Variants in TRPM3 observed in about 807,000 individuals in gnomAD.
TRPM3 encodes the protein transient receptor potential cation channel subfamily M member 3, also known as long transient receptor potential channel 3.
A neutral mutation model predicts 181.2 loss-of-function variants in TRPM3; 77 were observed. The ratio of observed to expected loss-of-function variants is 0.42; its 90% CI spans 0.35 to 0.51. The LOEUF (loss-of-function observed/expected upper bound fraction) is 0.51, where lower values mean the gene tolerates loss of function less well. Among genes scored for constraint, TRPM3 ranks in the 20% least tolerant of loss-of-function variants. TRPM3 has a pLI of 0.01. For synonymous variants in TRPM3, 745 were observed against 796.4 expected (o/e 0.94, Z 1.09); for missense variants, 1,759 against 2,196.7 (o/e 0.80, Z 3.98).
chr9:70,616,798 C>T (rs1004327786), intron 17 of TRPM3, among the ~76,000 whole-genome samples: 3 of 152,176 alleles, frequency 2.0e-5, no homozygotes, highest in African/African-American at 7.2e-5. Context: ...CATGTATAAA[C>T]ATCACGCATA....
intron 1 of TRPM3, among the ~76,000 whole-genome samples, chr9:71,135,905 T>C (rs1159078236): frequency 6.6e-6 from 1 of 152,226 alleles, no homozygotes; most frequent in East Asian, 1.9e-4. Context: ...AGAAGTTATG[T>C]ATATTTCTCT....
intron 1 of TRPM3, among the ~76,000 whole-genome samples, chr9:71,181,658 C>A (rs531468958): frequency 1.3e-5 from 2 of 151,946 alleles, no homozygotes; most frequent in Non-Finnish European, 2.9e-5. Flanking sequence ...TGAAGTTTTT[C>A]TCTTTGAAAC....
At chr9:70,786,616 T>G (rs1746505978) in intron 6 of TRPM3, among the ~76,000 whole-genome samples, 1 of 152,266 alleles carries the variant, frequency 6.6e-6, no homozygotes, top group African/African-American at 2.4e-5. Flanking sequence ...ATAACATGCC[T>G]TCAAAAAGGT....
At chr9:70,881,381 C>T (rs1278092513) in intron 1 of TRPM3, among the ~76,000 whole-genome samples, 1 of 152,118 alleles carries the variant, frequency 6.6e-6, no homozygotes, top group African/African-American at 2.4e-5. Flanking sequence ...CGCCCTACCA[C>T]CACCCCCATA....
intron 1 of TRPM3, among the ~76,000 whole-genome samples, chr9:71,383,107 T>C (rs545820601): frequency 9.4e-4 from 143 of 152,316 alleles, no homozygotes; most frequent in Non-Finnish European, 1.9e-3. Context: ...CAATTTTGCT[T>C]TTTTAAATAG....
intron 1 of TRPM3, among the ~76,000 whole-genome samples, chr9:70,960,120 GTTC>G (rs2097122642): frequency 6.7e-6 from 1 of 149,242 alleles, no homozygotes; most frequent in Non-Finnish European, 1.5e-5. Context: ...TTCAACTCTC[GTTC>G]TTTTTTTTTT....
chr9:71,123,825 G>A (rs763808558), upstream of TRPM3, among the ~76,000 whole-genome samples: 1 of 152,126 alleles, frequency 6.6e-6, no homozygotes, highest in African/African-American at 2.4e-5. Flanking sequence ...TTCTGTTGAG[G>A]TGGTGAGATC....
At chr9:70,955,004 G>A (rs1368513476) in intron 1 of TRPM3, among the ~76,000 whole-genome samples, 1 of 152,120 alleles carries the variant, frequency 6.6e-6, no homozygotes, top group African/African-American at 2.4e-5. Context: ...ACTTACTTAG[G>A]TGTTGCAGGC....
chr9:70,864,101 C>T (rs572095508), intron 2 of TRPM3, among the ~76,000 whole-genome samples: 11 of 152,034 alleles, frequency 7.2e-5, no homozygotes, highest in South Asian at 4.1e-4. Context: ...TATTGCAGAA[C>T]GTGTTGGTAC....
upstream of TRPM3, among the ~76,000 whole-genome samples, chr9:71,125,503 C>T (rs1025473453): frequency 6.6e-5 from 10 of 152,142 alleles, no homozygotes; most frequent in Admixed American, 2.0e-4. Context: ...CAGCTCCATC[C>T]ATGTCACTGC....
chr9:71,374,915 C>T (rs1045519295), intron 1 of TRPM3, among the ~76,000 whole-genome samples: 1 of 151,926 alleles, frequency 6.6e-6, no homozygotes, highest in African/African-American at 2.4e-5. Flanking sequence ...TTCAAGAACT[C>T]CAAACCACTA....
intron 6 of TRPM3, among the ~76,000 whole-genome samples, chr9:70,789,726 T>G (rs2084884501): frequency 6.6e-6 from 1 of 152,250 alleles, no homozygotes; most frequent in Non-Finnish European, 1.5e-5. Flanking sequence ...CATACGAAAA[T>G]GTGAGCTTGA....
chr9:71,332,237 G>A (rs995369033), intron 1 of TRPM3, among the ~76,000 whole-genome samples: 4 of 151,612 alleles, frequency 2.6e-5, no homozygotes, highest in Non-Finnish European at 5.9e-5. Context: ...ATTATTTGTA[G>A]CTATTACAGA....
chr9:71,408,610 G>A (rs2093482374), intron 1 of TRPM3, among the ~76,000 whole-genome samples: 1 of 152,200 alleles, frequency 6.6e-6, no homozygotes, highest in African/African-American at 2.4e-5. Flanking sequence ...TATGTGAAAA[G>A]ACCAAATCTA....
intron 1 of TRPM3, among the ~76,000 whole-genome samples, chr9:71,439,409 A>G (rs964980038): frequency 6.6e-6 from 1 of 152,240 alleles, no homozygotes; most frequent in Admixed American, 6.5e-5. Context: ...TATACACATC[A>G]ATACACTTAA....
At chr9:70,539,436 C>T (rs536767347) in intron 25 of TRPM3, among the ~76,000 whole-genome samples, 1 of 151,842 alleles carries the variant, frequency 6.6e-6, no homozygotes, top group South Asian at 2.1e-4. Flanking sequence ...TTCACCCAGC[C>T]AAAGGTCCCA....
intron 1 of TRPM3, among the ~76,000 whole-genome samples, chr9:71,344,142 C>A (rs1441562585): frequency 6.6e-6 from 1 of 151,930 alleles, no homozygotes; most frequent in Non-Finnish European, 1.5e-5. Flanking sequence ...TCATTTTAAA[C>A]CACCACAGAA....
intron 9 of TRPM3, among the ~76,000 whole-genome samples, chr9:70,650,262 A>G (rs773268997): frequency 2.0e-5 from 3 of 152,188 alleles, no homozygotes; most frequent in Non-Finnish European, 4.4e-5. Context: ...CCACAGGGGC[A>G]TGCAATTTGC....
In TRPM3 at chr9:71,269,102, T is replaced by A. The variant is rs2083598912; in HGVS notation, c.183+177551A>T. ...CAGTTTTTGAACTCTATAATGAAGT[T>A]ACATTCCAACTTTAGAAATACTTTG... On this transcript the variant is annotated intron_variant, in intron 1 of 24. Coordinates refer to the TRPM3 transcript ENST00000357533. 2.0e-5 allele frequency among the ~76,000 whole-genome samples: 3 copies of A among 152,196 alleles called. No individual in the cohort carries two copies. The South Asian group carries it at 6.2e-4, about 32-fold the overall frequency.
Sources: gnomAD v4.1 joint callset for allele counts (sites outside exome capture counted in the v4.1 genomes callset) on GRCh38, gnomAD v4.1.1 for gene constraint, MANE v1.5 for transcripts, NCBI Gene and HGNC (gene_info 2026-07-23, HGNC 2026-07-21) for gene names.